EIPR1: variants seen among roughly 807,000 people sequenced by gnomAD.
EIPR1 encodes EARP complex and GARP complex interacting protein 1.
EIPR1 carries 25 observed loss-of-function variants against 48.1 expected under a neutral mutation model. The ratio of observed to expected loss-of-function variants is 0.52; its 90% CI spans 0.38 to 0.73. EIPR1 has a LOEUF of 0.73. Among genes scored for constraint, EIPR1 ranks in the 30% least tolerant of loss-of-function variants. The pLI, the probability that EIPR1 is intolerant of heterozygous loss-of-function variation, is 0.00. For missense variants in EIPR1, 415 were observed against 506.2 expected, an observed-to-expected ratio of 0.82 and a Z score of 1.73; for synonymous variants, 204 against 201.9, an observed-to-expected ratio of 1.01 and a Z score of -0.09.
At chr2:3,376,104 A>G (rs62120466) in intron 1 of EIPR1, among the ~76,000 whole-genome samples, 24,634 of 151,972 alleles carry the variant, frequency 0.16, 2,229 homozygotes, top group Non-Finnish European at 0.21. Context: ...GCGAAACCCC[A>G]TTTCTACAAA....
chr2:3,362,503 T>C (rs1221101119), intron 1 of EIPR1, among the ~76,000 whole-genome samples: 3 of 152,162 alleles, frequency 2.0e-5, no homozygotes, highest in African/African-American at 7.2e-5. Flanking sequence ...AGCTACTTTA[T>C]CAAGTCAAAT....
At chr2:3,194,413 G>A in intron 6 of EIPR1, 1 of 338,630 alleles carries the variant, frequency 3.0e-6, no homozygotes, top group Non-Finnish European at 5.4e-6. Context: ...GCGAGCCGTG[G>A]AAGGAATTTT....
At chr2:3,371,271 C>T (rs939911029) in intron 1 of EIPR1, among the ~76,000 whole-genome samples, 6 of 152,128 alleles carry the variant, frequency 3.9e-5, no homozygotes, top group South Asian at 2.1e-4. Context: ...CCGTACCAGC[C>T]GCTGCAAACT....
At chr2:3,307,954 A>G (rs1353275147) in intron 3 of EIPR1, among the ~76,000 whole-genome samples, 1 of 152,122 alleles carries the variant, frequency 6.6e-6, no homozygotes, top group Non-Finnish European at 1.5e-5. Context: ...TACCTCCAAA[A>G]TATGTACCTC....
In EIPR1 at chr2:3,269,337, ACACTCAGTCATCG is replaced by A. The variant is rs869159397; in HGVS notation, c.260-11895_260-11883del. Among the ~76,000 whole-genome samples, 3 of 84,494 alleles carry A rather than the reference ACACTCAGTCATCG, an allele frequency of 3.6e-5. 1 individual carries two copies. Among genetic ancestry groups the A allele is most frequent in the South Asian group, 5.2e-4 (1 of 1,940 alleles). The allele number at this position is 84,494 out of a possible 152,430, so 55.4% of individuals were successfully genotyped here. ...TCAGTCATCGCACTCAATCATCATC[ACACTCAGTCATCG>A]CACTCAGTCATCGCACTCAATCATC... On this transcript the variant is annotated intron_variant, in intron 3 of 8. Transcript: ENST00000382125.
chr2:3,224,378 C>A (rs570515451), intron 4 of EIPR1, among the ~76,000 whole-genome samples: 1 of 152,342 alleles, frequency 6.6e-6, no homozygotes, highest in Admixed American at 6.5e-5. Flanking sequence ...CTAATAGTCA[C>A]ATCCGCCTTA....
chr2:3,192,336 A>G, intron 8 of EIPR1, 78 bp downstream of exon 8: 8 of 1,466,944 alleles, frequency 5.5e-6, no homozygotes, highest in Non-Finnish European at 7.2e-6. Flanking sequence ...TTCTACATAC[A>G]CAGCCTGGCT....
chr2:3,375,953 G>A (rs1371445195), intron 1 of EIPR1, among the ~76,000 whole-genome samples: 1 of 152,146 alleles, frequency 6.6e-6, no homozygotes, highest in Non-Finnish European at 1.5e-5. Flanking sequence ...ACACTTAACT[G>A]CTGCCCTGTA....
chr2:3,296,807 C>G (rs1175102614), intron 3 of EIPR1, among the ~76,000 whole-genome samples: 1 of 152,244 alleles, frequency 6.6e-6, no homozygotes, highest in Non-Finnish European at 1.5e-5. Flanking sequence ...GTCCATCCAG[C>G]CTGTCCTCTC....
At chr2:3,328,937 C>T (rs1341452784) in intron 3 of EIPR1, among the ~76,000 whole-genome samples, 2 of 125,498 alleles carry the variant, frequency 1.6e-5, no homozygotes, top group Admixed American at 7.7e-5. Context: ...CCACCTACCA[C>T]GCTCTAATGA....
chr2:3,304,732 TTCAGCCCTCCACTCCTGTCCA>T (rs1668866979), intron 3 of EIPR1, among the ~76,000 whole-genome samples: 1 of 149,268 alleles, frequency 6.7e-6, no homozygotes, highest in African/African-American at 2.5e-5. Context: ...TCCCGTCCAA[TTCAGCCCTCCACTCCTGTCCA>T]GTTCAGCCCT....
intron 3 of EIPR1, among the ~76,000 whole-genome samples, chr2:3,292,525 C>T (rs1668401304): frequency 6.6e-6 from 1 of 152,216 alleles, no homozygotes; most frequent in South Asian, 2.1e-4. Context: ...CTCCTTAATC[C>T]CCAGAGCGAT....
intron 8 of EIPR1, among the ~76,000 whole-genome samples, chr2:3,192,113 G>C (rs976789109): frequency 6.6e-6 from 1 of 152,224 alleles, no homozygotes; most frequent in East Asian, 1.9e-4. Flanking sequence ...TATTATTCAT[G>C]CTCAAGTTTG....
chr2:3,297,028 G>T (rs1335725898), intron 3 of EIPR1, among the ~76,000 whole-genome samples: 1 of 133,662 alleles, frequency 7.5e-6, no homozygotes, highest in Non-Finnish European at 1.6e-5. Flanking sequence ...CGGCAGGCAG[G>T]TGGTGGCAGT....
At chr2:3,308,520 A>T (rs1428826091) in intron 3 of EIPR1, among the ~76,000 whole-genome samples, 1 of 152,186 alleles carries the variant, frequency 6.6e-6, no homozygotes, top group Non-Finnish European at 1.5e-5. Context: ...AAAAAAAATG[A>T]ACAGCCTCAG....
At chr2:3,355,323 C>T (rs533872859) in intron 1 of EIPR1, among the ~76,000 whole-genome samples, 24 of 152,290 alleles carry the variant, frequency 1.6e-4, no homozygotes, top group African/African-American at 5.3e-4. Flanking sequence ...AGGTGTACAG[C>T]CCAGGAGTGA....
chr2:3,339,568 G>A (rs1001671930), intron 2 of EIPR1, among the ~76,000 whole-genome samples: 4 of 152,156 alleles, frequency 2.6e-5, no homozygotes, highest in African/African-American at 7.2e-5. Context: ...GATCATGGGG[G>A]ATGGGCCTTC....
At chr2:3,254,780 G>C (rs1355417439) in intron 4 of EIPR1, among the ~76,000 whole-genome samples, 1 of 152,242 alleles carries the variant, frequency 6.6e-6, no homozygotes, top group Non-Finnish European at 1.5e-5. Flanking sequence ...TCTGTGTCTT[G>C]ACTCTGGTGG....
intron 3 of EIPR1, among the ~76,000 whole-genome samples, chr2:3,277,065 A>C (rs1285265968): frequency 6.6e-6 from 1 of 152,214 alleles, no homozygotes; most frequent in Non-Finnish European, 1.5e-5. Flanking sequence ...AACTCGGGTG[A>C]ATGTACGAGG....
Sources: gnomAD v4.1 joint callset for allele counts (sites outside exome capture counted in the v4.1 genomes callset) on GRCh38, gnomAD v4.1.1 for gene constraint, MANE v1.5 for transcripts, NCBI Gene and HGNC (gene_info 2026-07-23, HGNC 2026-07-21) for gene names.